Variants in DEPDC5 observed in about 807,000 individuals in gnomAD.
The protein encoded by DEPDC5 is DEP domain containing 5, GATOR1 subcomplex subunit, also known as GATOR1 complex protein DEPDC5.
DEPDC5 carries 73 observed loss-of-function variants against 217.3 expected under a neutral mutation model. The ratio of observed to expected loss-of-function variants is 0.34; its 90% CI spans 0.28 to 0.41. DEPDC5 has a LOEUF of 0.41. Among genes scored for constraint, DEPDC5 ranks in the 10% least tolerant of loss-of-function variants. DEPDC5 has a pLI of 1.00. For synonymous variants in DEPDC5, 733 were observed against 756.7 expected (o/e 0.97, Z 0.51); for missense variants, 1,675 against 2,070.1 (o/e 0.81, Z 3.70).
chr22:31,754,786 C>A, intron 1 of DEPDC5, 76 bp from the exon 2 acceptor site: 2 of 951,934 alleles, frequency 2.1e-6, no homozygotes, highest in Non-Finnish European at 3.2e-6. Context: ...CCAGTATCTT[C>A]ACTGGCCTAA....
At position 31,819,073 on chromosome 22, in the gene DEPDC5, G is replaced by C; in HGVS notation, c.1718G>C (p.Gly573Ala). The C allele has an allele frequency of 6.2e-7, 1 of 1,614,142 alleles. No individual in the cohort carries two copies. Reference sequence around the variant, plus strand: ...CCACAGCGAGACTCCAGTGCACCAGGGAGGTTTCACGTTGGCAGTGCAGAA... The same window carrying C: ...CCACAGCGAGACTCCAGTGCACCAGCGAGGTTTCACGTTGGCAGTGCAGAA... ...EPPQRDSSAPGRFHVGSAESM... is the reference protein window; with the variant it reads ...EPPQRDSSAPARFHVGSAESM... The change falls in exon 22 of 43, where the codon GGG becomes GCG. Residue 573 changes from glycine to alanine, a missense_variant. By Grantham distance (60) the Gly-to-Ala change is moderately conservative (BLOSUM62 0). Coordinates refer to ENST00000651528, the MANE Select transcript of DEPDC5 (RefSeq NM_001242896.3).
Position 31,819,042 on chromosome 22 carries a change from G to C in DEPDC5, c.1687G>C (p.Glu563Gln). The C allele has an allele frequency of 6.2e-7, 1 of 1,614,170 alleles. No homozygotes were observed. Among genetic ancestry groups the C allele is most frequent in the Non-Finnish European group, 8.5e-7 (1 of 1,180,026 alleles). ...STRDVLENMM[E>Q]PPQRDSSAPG... Reference sequence around the variant, plus strand: ...GGCAGATGTCCTGGAGAACATGATGGAGCCACCACAGCGAGACTCCAGTGC... The same window carrying C: ...GGCAGATGTCCTGGAGAACATGATGCAGCCACCACAGCGAGACTCCAGTGC... The change falls in exon 22 of 43, where the codon GAG becomes CAG. Residue 563 changes from glutamate (E) to glutamine (Q), a missense_variant. Physicochemically the swap from Glu to Gln is conservative, Grantham distance 29 (BLOSUM62 2). Coordinates refer to ENST00000651528, the MANE Select transcript of DEPDC5 (RefSeq NM_001242896.3).
chr22:31,863,249 C>T (rs887279738), intron 33 of DEPDC5, among the ~76,000 whole-genome samples: 3 of 152,224 alleles, frequency 2.0e-5, no homozygotes, highest in Admixed American at 2.0e-4. Context: ...TCACTGCCAC[C>T]TCCACCTCGA....
At chr22:31,790,254 G>T (rs1297225504) in intron 10 of DEPDC5, among the ~76,000 whole-genome samples, 2 of 152,154 alleles carry the variant, frequency 1.3e-5, no homozygotes, top group Admixed American at 1.3e-4. Flanking sequence ...TATATAGTGA[G>T]TGTTGAATTC....
Position 31,906,103 on chromosome 22 carries a change from A to C in DEPDC5, c.4519+37A>C. 6.2e-7 allele frequency: 1 copy of C among 1,613,754 alleles called. No individual in the cohort carries two copies. The highest frequency in any genetic ancestry group is 8.5e-7 in the Non-Finnish European group (1 of 1,179,764). ...CGGGCAGAGTTGGGCAGGTGGGTCC[A>C]CATCCCTTTCCTTGCACCAAGCCTA... On this transcript the variant is annotated intron_variant, in intron 42 of 42. Transcript: ENST00000651528. This position sits in a 1 kb window ranked among gnomAD's most constrained non-coding sequence, Gnocchi z 5.1.
At chr22:31,891,799 A>G (rs2093443456) in intron 38 of DEPDC5, among the ~76,000 whole-genome samples, 2 of 152,154 alleles carry the variant, frequency 1.3e-5, no homozygotes, top group African/African-American at 4.8e-5. Flanking sequence ...ACAAACAGAA[A>G]CCCTAGGTCT....
Position 31,765,063 on chromosome 22 carries a change from A to G in DEPDC5, c.279+3A>G, listed in dbSNP as rs1211730596. The G allele has an allele frequency of 6.2e-6, 10 of 1,611,440 alleles. No homozygotes were observed. Among genetic ancestry groups the G allele is most frequent in the Non-Finnish European group, 7.6e-6 (9 of 1,177,900 alleles). ...ATGTTAATGTCGTAGACCCTAAGGT[A>G]TGTCTTTGTTTTGTACTTGAATATC... On this transcript the variant is annotated splice_donor_region_variant and intron_variant, in intron 5 of 42. Transcript: ENST00000651528.
intron 21 of DEPDC5, among the ~76,000 whole-genome samples, chr22:31,817,925 T>G (rs2089313628): frequency 2.0e-5 from 3 of 152,236 alleles, no homozygotes; most frequent in African/African-American, 7.2e-5. Context: ...CACAGAAATC[T>G]GAACATTCTC....
chr22:31,873,994 TGTTGGTCAG>T (rs2092923923), intron 35 of DEPDC5: 1 of 317,052 alleles, frequency 3.2e-6, no homozygotes, highest in Non-Finnish European at 5.9e-6. Context: ...GGTTTCGCCA[TGTTGGTCAG>T]GCTGGTCTCA....
rs531482885 is a variant in DEPDC5 at position 31,801,179 on chromosome 22, C to G, written c.947-1525C>G. Among the ~76,000 whole-genome samples, 11 of 150,258 alleles carry G rather than the reference C, an allele frequency of 7.3e-5. 1 individual carries two copies. In the South Asian group the frequency reaches 2.3e-3, roughly 32 times the overall value. ...GGCATGGTGGTGCATGCCTGTCATA[C>G]CAGCTACTTGGGAGGCTGAGGCAGG... On this transcript the variant is annotated intron_variant, in intron 14 of 42. Transcript: ENST00000651528.
intron 37 of DEPDC5, among the ~76,000 whole-genome samples, chr22:31,879,223 T>C (rs922010294): frequency 6.6e-6 from 1 of 151,718 alleles, no homozygotes; most frequent in Non-Finnish European, 1.5e-5. Flanking sequence ...TCCACAGTGT[T>C]GTACAACTAT....
chr22:31,881,014 CA>C lies in DEPDC5; in HGVS notation c.4033+1276del, dbSNP rs753086072. Among the ~76,000 whole-genome samples the C allele has an allele frequency of 5.4e-3, 596 of 110,882 alleles. 3 individuals carry two copies. Among genetic ancestry groups the C allele is most frequent in the East Asian group, 0.011 (40 of 3,688 alleles). 72.7% of individuals were successfully genotyped at this position (110,882 alleles called of 152,430 possible). ...TGGGTGACAGAATAAGACTCCGTCTCAAAAAAAAAAAAAAGGGCCAAACGCT... is the reference window on the plus strand; with the variant it reads ...TGGGTGACAGAATAAGACTCCGTCTCAAAAAAAAAAAAAGGGCCAAACGCT... On this transcript the variant is annotated intron_variant, in intron 38 of 42. Coordinates refer to ENST00000651528, the MANE Select transcript of DEPDC5 (RefSeq NM_001242896.3).
chr22:31,844,622 A>C (rs2091606724), intron 29 of DEPDC5: 1 of 177,278 alleles, frequency 5.6e-6, no homozygotes, highest in Admixed American at 6.5e-5. Context: ...CCACAAATTC[A>C]CTGGGCCTGG....
intron 24 of DEPDC5, among the ~76,000 whole-genome samples, chr22:31,832,174 T>C (rs557613564): frequency 2.0e-5 from 3 of 152,382 alleles, no homozygotes; most frequent in Non-Finnish European, 2.9e-5. Context: ...CTTCCCCCAG[T>C]TGAAAGATAA....
At chr22:31,805,665 T>C (rs2087432063) in intron 17 of DEPDC5, among the ~76,000 whole-genome samples, 1 of 152,158 alleles carries the variant, frequency 6.6e-6, no homozygotes. Flanking sequence ...CACGCCCGGC[T>C]AATTTTTGTA....
chr22:31,822,086 A>G (rs112762129), intron 23 of DEPDC5, among the ~76,000 whole-genome samples: 8 of 152,358 alleles, frequency 5.3e-5, no homozygotes, highest in Admixed American at 2.6e-4. Context: ...GGCAATGGAA[A>G]TGAAGGCTTA....
Position 31,802,758 on chromosome 22 carries a change from T to G in DEPDC5, c.1001T>G (p.Val334Gly). The stretch of plus-strand genomic sequence containing the variant: ...TTTGACCGAACTGGGCAGATGTCAG[T>G]GGTGATCACGCCCGGGGTGGGTGTC... ...RNFDRTGQMS[V>G]VITPGVGVFE... Residue 334 changes from valine to glycine, a missense_variant, in exon 15 of 43, where the codon GTG (valine) becomes GGG (glycine). Around this residue, in one of 11 missense-constraint regions of DEPDC5, gnomAD observed 628 missense variants for 762.1 expected, o/e 0.82. Transcript: ENST00000651528. The G allele has an allele frequency of 6.2e-7, 1 of 1,606,928 alleles. No individual in the cohort carries two copies. Among genetic ancestry groups the G allele is most frequent in the Non-Finnish European group, 8.5e-7 (1 of 1,177,086 alleles).
intron 14 of DEPDC5, among the ~76,000 whole-genome samples, chr22:31,799,142 C>G (rs1276428707): frequency 6.6e-6 from 1 of 150,572 alleles, no homozygotes; most frequent in East Asian, 2.0e-4. Context: ...CTCCTGGGTT[C>G]AGGCGATTCT....
chr22:31,771,041 C>T (rs142509107), intron 7 of DEPDC5, among the ~76,000 whole-genome samples: 7 of 152,258 alleles, frequency 4.6e-5, no homozygotes, highest in Non-Finnish European at 8.8e-5. Flanking sequence ...CCTCAGCCTC[C>T]CAAAGCACTG....
Sources: gnomAD v4.1 joint callset for allele counts (sites outside exome capture counted in the v4.1 genomes callset) on GRCh38, gnomAD v4.1.1 for gene constraint, gnomAD v4.1.1 regional missense constraint, Gnocchi (gnomAD v3.1) non-coding constraint, MANE v1.5 for transcripts, NCBI Gene and HGNC (gene_info 2026-07-23, HGNC 2026-07-21) for gene names.